Variants in PDE2A observed in about 807,000 individuals in gnomAD.
The protein encoded by PDE2A is cGMP-dependent 3',5'-cyclic phosphodiesterase.
In PDE2A, 53 loss-of-function variants were observed where a neutral mutation model predicts 133.6. The ratio of observed to expected loss-of-function variants is 0.40; its 90% CI spans 0.32 to 0.50. The LOEUF is 0.50. PDE2A is among the 20% of genes least tolerant of loss of function. The pLI, the probability that PDE2A is intolerant of heterozygous loss-of-function variation, is 0.73. For synonymous variants in PDE2A, 491 were observed against 490.2 expected, an observed-to-expected ratio of 1.00 and a Z score of -0.02; for missense variants, 796 against 1,232.4, an observed-to-expected ratio of 0.65 and a Z score of 5.30.
At chr11:72,612,201 G>A (rs1281255654) in intron 2 of PDE2A, among the ~76,000 whole-genome samples, 7 of 150,754 alleles carry the variant, frequency 4.6e-5, no homozygotes, top group Non-Finnish European at 8.9e-5. Context: ...ACACAAACAC[G>A]CACACAGACA....
At chr11:72,630,681 C>T (rs1858330406) in intron 2 of PDE2A, among the ~76,000 whole-genome samples, 1 of 151,890 alleles carries the variant, frequency 6.6e-6, no homozygotes, top group Non-Finnish European at 1.5e-5. Context: ...ATGGGGGAAA[C>T]TGAAAGCAAG....
intron 1 of PDE2A, among the ~76,000 whole-genome samples, chr11:72,644,331 G>GA (rs1859068116): frequency 6.6e-6 from 1 of 152,224 alleles, no homozygotes; most frequent in African/African-American, 2.4e-5. Flanking sequence ...TAACACTGTA[G>GA]AAAAAATTAC....
At chr11:72,580,007 G>C (rs1033727591) in intron 25 of PDE2A, 32 of 211,498 alleles carry the variant, frequency 1.5e-4, no homozygotes, top group African/African-American at 6.6e-4. Context: ...CTGAAGGGCT[G>C]TCACTCAGAA....
chr11:72,599,158 G>T, intron 4 of PDE2A: 1 of 344,900 alleles, frequency 2.9e-6, no homozygotes, highest in Non-Finnish European at 4.1e-6. Context: ...TCATCCTGCC[G>T]ACTCCCAACT....
At chr11:72,587,476 A>C (rs1316036075) in intron 13 of PDE2A, among the ~76,000 whole-genome samples, 1 of 152,116 alleles carries the variant, frequency 6.6e-6, no homozygotes, top group East Asian at 1.9e-4. Context: ...CTGGGCCTCA[A>C]AGCTGCCACC....
rs1290367470 is a variant in PDE2A at position 72,639,746 on chromosome 11, C to CT, written c.144+2507dup. 6.8e-4 allele frequency among the ~76,000 whole-genome samples: 104 copies of CT among 152,134 alleles called. 1 individual carries two copies. Among genetic ancestry groups the CT allele is most frequent in the Admixed American group, 6.8e-3 (104 of 15,270 alleles). On this transcript the variant is annotated intron_variant, in intron 2 of 30. Coordinates refer to ENST00000334456, the MANE Select transcript of PDE2A (RefSeq NM_002599.5). ...TCCGCCGGAAACCCAAAACAAAGGGCTTGGTCAAGGCAAGGAGGATGAAGG... is the reference window on the plus strand; with the variant it reads ...TCCGCCGGAAACCCAAAACAAAGGGCTTTGGTCAAGGCAAGGAGGATGAAGG...
intron 2 of PDE2A, among the ~76,000 whole-genome samples, chr11:72,629,993 C>G (rs1858293527): frequency 6.6e-6 from 1 of 152,036 alleles, no homozygotes; most frequent in Non-Finnish European, 1.5e-5. Context: ...CCAGTTCTCT[C>G]TCTCTCTCTC....
rs753631786 is a variant in PDE2A, at chr11:72,584,555, G to C, written c.1533C>G (p.Asn511Lys). The change falls in exon 18 of 31, where the codon AAC becomes AAG. Residue 511 changes from asparagine (N) to lysine (K), a missense_variant. This residue lies in a region of PDE2A where 218 missense variants were observed against 465.9 expected (regional missense o/e 0.47). Transcript: ENST00000334456. ...NILCFPIKNENQEVIGVAELV... is the reference protein window; with the variant it reads ...NILCFPIKNEKQEVIGVAELV... ...CGCCCGGGCCGCCACGCGCACCCTG[G>C]TTCTCGTTCTTGATGGGGAAGCAGA... 6.2e-7 allele frequency: 1 copy of C among 1,609,112 alleles called. No homozygotes were observed. Among genetic ancestry groups the C allele is most frequent in the Admixed American group, 1.7e-5 (1 of 59,620 alleles).
At chr11:72,588,627 A>G (rs1173227912) in intron 13 of PDE2A, among the ~76,000 whole-genome samples, 157 bp downstream of exon 13, 2 of 152,216 alleles carry the variant, frequency 1.3e-5, no homozygotes, top group African/African-American at 2.4e-5. Flanking sequence ...TTGGACCTCA[A>G]CATGACTTTC....
chr11:72,580,976 G>T lies in PDE2A; in HGVS notation c.2046-3C>A. 6.2e-7 allele frequency: 1 copy of T among 1,603,542 alleles called. No individual in the cohort carries two copies. Among genetic ancestry groups the T allele is most frequent in the Non-Finnish European group, 8.5e-7 (1 of 1,170,516 alleles). On this transcript the variant is annotated splice_polypyrimidine_tract_variant and splice_region_variant and intron_variant, in intron 23 of 30. Transcript: ENST00000334456. ...ACAAGGCAAAGATCTCGATGTCCCT[G>T]GTTGAGAGGCAGAAAGGAGAAAAAA...
intron 1 of PDE2A, among the ~76,000 whole-genome samples, chr11:72,671,339 C>T (rs1855379044): frequency 6.6e-6 from 1 of 152,194 alleles, no homozygotes; most frequent in African/African-American, 2.4e-5. Flanking sequence ...ATGAATGCAG[C>T]AATGGAATCA....
chr11:72,632,371 G>A (rs961449172), intron 2 of PDE2A, among the ~76,000 whole-genome samples: 2 of 152,154 alleles, frequency 1.3e-5, no homozygotes, highest in African/African-American at 2.4e-5. Context: ...CTGGGCCTGA[G>A]TGTCACCTGG....
At chr11:72,585,281 A>G in intron 16 of PDE2A, 90 bp downstream of exon 16, 1 of 1,078,212 alleles carries the variant, frequency 9.3e-7, no homozygotes, top group Non-Finnish European at 1.4e-6. Flanking sequence ...CAGAAGGCAG[A>G]GAAAGGGAAG....
chr11:72,590,323 C>T lies in PDE2A; in HGVS notation c.704-79G>A. 6.5e-7 allele frequency: 1 copy of T among 1,537,692 alleles called. No homozygotes were observed. Among genetic ancestry groups the T allele is most frequent in the Non-Finnish European group, 8.8e-7 (1 of 1,135,774 alleles). On this transcript the variant is annotated intron_variant, in intron 8 of 30. Transcript: ENST00000334456. The surrounding 1 kb of genome is among the most constrained non-coding windows in gnomAD (Gnocchi z 4.8). ...GGGTCCCTCAGGCGCCGCTCAGCTC[C>T]GCGCCGGGCCCGCCGCCGGCTCCCG...
chr11:72,613,685 C>T (rs1355422321), intron 2 of PDE2A, among the ~76,000 whole-genome samples: 1 of 152,148 alleles, frequency 6.6e-6, no homozygotes. Flanking sequence ...CCCACTCCTC[C>T]CACAAACCTC....
chr11:72,600,248 T>G (rs1381533308), intron 4 of PDE2A, among the ~76,000 whole-genome samples: 1 of 152,098 alleles, frequency 6.6e-6, no homozygotes, highest in African/African-American at 2.4e-5. Flanking sequence ...GGTAAAACTC[T>G]CCACATAAGG....
At chr11:72,582,638 T>G in intron 20 of PDE2A, 72 bp from the exon 21 acceptor site, 1 of 1,461,906 alleles carries the variant, frequency 6.8e-7, no homozygotes, top group South Asian at 1.3e-5. Context: ...CAAATTCCCA[T>G]GGCAGGTGGG....
chr11:72,665,793 C>T (rs1855216578), intron 1 of PDE2A, among the ~76,000 whole-genome samples: 1 of 152,090 alleles, frequency 6.6e-6, no homozygotes, highest in East Asian at 1.9e-4. Context: ...TCACTTTGAG[C>T]CCAGATAGGC....
chr11:72,642,459 G>C (rs1591122245), intron 1 of PDE2A, 133 bp from the exon 2 acceptor site: 1 of 1,039,004 alleles, frequency 9.6e-7, no homozygotes, highest in African/African-American at 1.7e-5. Context: ...GTCCGCCCGA[G>C]TGTCCGCCCC....
Sources: allele counts gnomAD v4.1 joint callset (sites outside exome capture counted in the v4.1 genomes callset), GRCh38; gene constraint gnomAD v4.1.1; regional missense constraint gnomAD v4.1.1; non-coding constraint Gnocchi (gnomAD v3.1); transcripts MANE v1.5; gene names NCBI Gene and HGNC (gene_info 2026-07-23, HGNC 2026-07-21).